CADPS: variants seen among roughly 807,000 people sequenced by gnomAD.
CADPS encodes calcium dependent secretion activator.
A neutral mutation model predicts 167.3 loss-of-function variants in CADPS; 57 were observed. The observed-to-expected ratio is 0.34, with a 90% CI of 0.28 to 0.42. The LOEUF is 0.42. Among genes scored for constraint, CADPS ranks in the 20% least tolerant of loss-of-function variants. CADPS has a pLI of 1.00. For missense variants in CADPS, 1,414 were observed against 1,738.1 expected (o/e 0.81, Z 3.32); for synonymous variants, 676 against 635.3 (o/e 1.06, Z -0.96).
At chr3:62,598,860 G>C (rs1406949393) in intron 6 of CADPS, among the ~76,000 whole-genome samples, 1 of 152,136 alleles carries the variant, frequency 6.6e-6, no homozygotes, top group Non-Finnish European at 1.5e-5. Flanking sequence ...GGGAAGTTCT[G>C]TTTCAAGACT....
chr3:62,672,493 A>C (rs1005625374), intron 3 of CADPS, among the ~76,000 whole-genome samples: 2 of 152,172 alleles, frequency 1.3e-5, no homozygotes, highest in Non-Finnish European at 2.9e-5. Flanking sequence ...GCTCCTGCAC[A>C]GCTTTCCAGC....
chr3:62,664,518 T>A (rs2074045967), intron 3 of CADPS, among the ~76,000 whole-genome samples: 1 of 152,242 alleles, frequency 6.6e-6, no homozygotes, highest in African/African-American at 2.4e-5. Flanking sequence ...TAGGTTCCAA[T>A]GAGCTGCTTT....
chr3:62,643,940 T>C (rs960208849), intron 6 of CADPS, among the ~76,000 whole-genome samples: 3 of 152,192 alleles, frequency 2.0e-5, no homozygotes, highest in African/African-American at 7.2e-5. Context: ...CCACATTTAT[T>C]GTCAGTTTGA....
At chr3:62,475,584 G>GAAAAAAAAAAAAAA (rs34263556) in intron 23 of CADPS, among the ~76,000 whole-genome samples, 7 of 55,946 alleles carry the variant, frequency 1.3e-4, no homozygotes, top group South Asian at 1.0e-3. Flanking sequence ...CAGTTCTTAA[G>GAAAAAAAAAAAAAA]AAAAAAAAAA....
At chr3:62,654,886 A>G (rs930102965) in intron 4 of CADPS, among the ~76,000 whole-genome samples, 1 of 152,280 alleles carries the variant, frequency 6.6e-6, no homozygotes, top group East Asian at 1.9e-4. Flanking sequence ...TTGCTAATCA[A>G]TTTTGAGAGA....
rs568562775 is a variant in CADPS at position 62,719,858 on chromosome 3, A to G, written c.888+33583T>C. On this transcript the variant is annotated intron_variant, in intron 3 of 29. Coordinates refer to ENST00000383710, the MANE Select transcript of CADPS (RefSeq NM_003716.4). ...TAACCTTGGGATTTGGTGGGGTTAC[A>G]CGACTACTTCTGGCCTATGAGTTGT... Among the ~76,000 whole-genome samples the G allele has an allele frequency of 2.6e-5, 4 of 152,294 alleles. No individual in the cohort carries two copies. The East Asian group carries it at 7.7e-4, about 29-fold the overall frequency.
intron 1 of CADPS, among the ~76,000 whole-genome samples, chr3:62,856,666 G>A (rs1413761074): frequency 3.3e-5 from 5 of 151,814 alleles, no homozygotes; most frequent in Non-Finnish European, 7.4e-5. Flanking sequence ...TCTACCAGGA[G>A]CTCAAAAATA....
intron 21 of CADPS, among the ~76,000 whole-genome samples, chr3:62,482,370 T>A (rs1360791780): frequency 6.6e-6 from 1 of 152,218 alleles, no homozygotes; most frequent in Admixed American, 6.5e-5. Context: ...TTCACCCACT[T>A]GGAGGCACAC....
At chr3:62,737,449 C>CAG (rs1344242725) in intron 3 of CADPS, among the ~76,000 whole-genome samples, 12 of 150,518 alleles carry the variant, frequency 8.0e-5, no homozygotes, top group Non-Finnish European at 1.6e-4. Flanking sequence ...GCCTGGGCAA[C>CAG]AGAGTGAGAC....
intron 3 of CADPS, among the ~76,000 whole-genome samples, chr3:62,701,644 A>G (rs1374367197): frequency 1.3e-5 from 2 of 151,782 alleles, no homozygotes; most frequent in African/African-American, 2.4e-5. Flanking sequence ...AGGAAAAGAA[A>G]AGAAAAGATG....
intron 24 of CADPS, chr3:62,473,910 C>T (rs1312863051): frequency 3.0e-6 from 1 of 332,778 alleles, no homozygotes; most frequent in Non-Finnish European, 5.4e-6. Context: ...GGTCGTCAAA[C>T]TTCATTTAGC....
chr3:62,718,094 A>G (rs772769843), intron 3 of CADPS, among the ~76,000 whole-genome samples: 16 of 151,516 alleles, frequency 1.1e-4, no homozygotes, highest in Non-Finnish European at 2.4e-4. Flanking sequence ...TTGACATTCT[A>G]TCTATTGTCT....
chr3:62,613,827 A>G (rs1307911111), intron 6 of CADPS, among the ~76,000 whole-genome samples: 1 of 152,186 alleles, frequency 6.6e-6, no homozygotes, highest in East Asian at 1.9e-4. Context: ...AGGCTTGGTT[A>G]GAAGAAAGGA....
intron 5 of CADPS, 110 bp downstream of exon 5, chr3:62,650,737 A>T: frequency 1.4e-6 from 1 of 728,250 alleles, no homozygotes; most frequent in Non-Finnish European, 2.3e-6. Flanking sequence ...CTGTTATTTT[A>T]ATAACTGCTC....
chr3:62,757,713 G>A (rs950336144), intron 2 of CADPS, among the ~76,000 whole-genome samples: 20 of 152,234 alleles, frequency 1.3e-4, no homozygotes, highest in East Asian at 1.9e-4. Flanking sequence ...CTGTTCTCAC[G>A]CAGCTAATAA....
chr3:62,600,724 A>G (rs1429797154), intron 6 of CADPS, among the ~76,000 whole-genome samples: 1 of 152,212 alleles, frequency 6.6e-6, no homozygotes, highest in African/African-American at 2.4e-5. Context: ...ATATTACATT[A>G]TTTTGGGGGA....
chr3:62,479,682 C>G (rs2061733827), intron 22 of CADPS, among the ~76,000 whole-genome samples: 1 of 152,174 alleles, frequency 6.6e-6, no homozygotes, highest in African/African-American at 2.4e-5. Context: ...GTATCTGACA[C>G]GATGGAGCAG....
At chr3:62,557,843 A>G (rs1369132449) in intron 9 of CADPS, among the ~76,000 whole-genome samples, 4 of 152,152 alleles carry the variant, frequency 2.6e-5, no homozygotes, top group Admixed American at 6.5e-5. Flanking sequence ...TGCTTTTAAT[A>G]TAATTGGGTT....
chr3:62,599,508 A>ATT (rs2148985210), intron 6 of CADPS, among the ~76,000 whole-genome samples: 1 of 104,216 alleles, frequency 9.6e-6, no homozygotes, highest in East Asian at 2.6e-4. Context: ...TTTTATATAT[A>ATT]TTATATATAT....
Sources: gnomAD v4.1 joint callset for allele counts (sites outside exome capture counted in the v4.1 genomes callset) on GRCh38, gnomAD v4.1.1 for gene constraint, MANE v1.5 for transcripts, NCBI Gene and HGNC (gene_info 2026-07-23, HGNC 2026-07-21) for gene names.